The following LINGO1 variants were observed in gnomAD, a reference collection of about 807,000 sequenced individuals.
LINGO1 encodes leucine-rich repeat and immunoglobulin-like domain-containing nogo receptor-interacting protein 1.
In LINGO1, 11 loss-of-function variants were observed where a neutral mutation model predicts 37.3. That is an observed-to-expected ratio of 0.29 (90% CI 0.19 to 0.49). The LOEUF (loss-of-function observed/expected upper bound fraction) is 0.49. Ranked by LOEUF, LINGO1 falls within the 20% of genes least tolerant of loss-of-function variation. The probability of loss-of-function intolerance (pLI) is 0.99; values close to 1 mark genes in which losing one functional copy is unlikely to be tolerated. For synonymous variants in LINGO1, 387 were observed against 403.0 expected (o/e 0.96, Z 0.48); for missense variants, 585 against 878.2 (o/e 0.67, Z 4.22).
At chr15:77,639,261 A>G (rs142368086), upstream of LINGO1, among the ~76,000 whole-genome samples, 4 of 152,272 alleles carry the variant, frequency 2.6e-5, no homozygotes, top group Non-Finnish European at 4.4e-5. Flanking sequence ...GAGGTAATAC[A>G]TATTTGCTGT....
intron 1 of LINGO1, among the ~76,000 whole-genome samples, chr15:77,814,141 C>G (rs565953291): frequency 6.6e-6 from 1 of 152,198 alleles, no homozygotes; most frequent in Non-Finnish European, 1.5e-5. Context: ...ATAATGGAAA[C>G]AGGGCCAAGA....
At chr15:77,746,389 A>G (rs1468857135) in intron 1 of LINGO1, among the ~76,000 whole-genome samples, 1 of 152,148 alleles carries the variant, frequency 6.6e-6, no homozygotes, top group Non-Finnish European at 1.5e-5. Context: ...GAAAGCACTT[A>G]GTCTTCTTTC....
intron 1 of LINGO1, among the ~76,000 whole-genome samples, chr15:77,694,204 T>TAACG: frequency 6.6e-6 from 1 of 152,030 alleles, no homozygotes; most frequent in East Asian, 1.9e-4. Flanking sequence ...GAAGGCAAGG[T>TAACG]AACGTCCAGC....
At chr15:77,724,028 G>A (rs964143635) in intron 2 of LINGO1, among the ~76,000 whole-genome samples, 7 of 152,210 alleles carry the variant, frequency 4.6e-5, no homozygotes, top group Non-Finnish European at 2.9e-5. Flanking sequence ...AAATAGCCGG[G>A]CGTGCGTGTC....
At position 77,665,579 on chromosome 15, in the gene LINGO1, A is replaced by C. The variant is rs562099393; in HGVS notation, c.-13+11510T>G. Among the ~76,000 whole-genome samples the C allele has an allele frequency of 4.3e-4, 66 of 152,352 alleles. 1 individual carries two copies. The South Asian group carries it at 0.013, about 31-fold the overall frequency. On this transcript the variant is annotated intron_variant, in intron 3 of 3. Coordinates refer to the LINGO1 transcript ENST00000559893. ...GTGCCCTTCAGGCCAGCCCAAGCCC[A>C]GGTGGCCCTTTCCTGAACCCAAGGA...
chr15:77,728,735 G>C (rs1287900880), intron 2 of LINGO1, among the ~76,000 whole-genome samples: 1 of 152,250 alleles, frequency 6.6e-6, no homozygotes, highest in Non-Finnish European at 1.5e-5. Flanking sequence ...AGACTGCCGA[G>C]GTTCAAATCC....
intron 1 of LINGO1, among the ~76,000 whole-genome samples, chr15:77,814,405 AAAG>A (rs1438350789): frequency 1.3e-5 from 2 of 151,986 alleles, no homozygotes; most frequent in Non-Finnish European, 2.9e-5. Flanking sequence ...GGACTAAACA[AAAG>A]AAGGAGTATA....
At chr15:77,636,540 T>TG (rs113139128), upstream of LINGO1, among the ~76,000 whole-genome samples, 11,840 of 151,956 alleles carry the variant, frequency 0.078, 1,465 homozygotes, top group African/African-American at 0.26. Flanking sequence ...AGCATCCAGC[T>TG]GGGGGGCCCT....
At chr15:77,810,998 C>T (rs1228447073) in intron 1 of LINGO1, among the ~76,000 whole-genome samples, 2 of 152,120 alleles carry the variant, frequency 1.3e-5, no homozygotes, top group Non-Finnish European at 2.9e-5. Flanking sequence ...AGTTTCACTT[C>T]CGATCTGTTC....
At chr15:77,778,097 C>T (rs2141419584) in intron 1 of LINGO1, among the ~76,000 whole-genome samples, 1 of 152,326 alleles carries the variant, frequency 6.6e-6, no homozygotes, top group South Asian at 2.1e-4. Flanking sequence ...GGGGGACTGG[C>T]TCCTGCCATA....
intron 1 of LINGO1, among the ~76,000 whole-genome samples, chr15:77,625,675 A>G (rs2074066442): frequency 6.6e-6 from 1 of 152,214 alleles, no homozygotes; most frequent in Non-Finnish European, 1.5e-5. Flanking sequence ...CACCTTGCCT[A>G]AAGTCCCGCA....
intron 3 of LINGO1, among the ~76,000 whole-genome samples, chr15:77,673,176 T>C (rs761084329): frequency 6.6e-6 from 1 of 152,032 alleles, no homozygotes; most frequent in Non-Finnish European, 1.5e-5. Flanking sequence ...GAAAACAGTA[T>C]AGGCCAATAT....
intron 2 of LINGO1, among the ~76,000 whole-genome samples, chr15:77,681,208 A>G (rs2075407624): frequency 6.8e-6 from 1 of 146,208 alleles, no homozygotes; most frequent in Non-Finnish European, 1.5e-5. Context: ...TCAAAATGGT[A>G]CATTTGGTTA....
intron 2 of LINGO1, among the ~76,000 whole-genome samples, chr15:77,705,460 G>T (rs1207928050): frequency 6.6e-6 from 1 of 152,140 alleles, no homozygotes; most frequent in Non-Finnish European, 1.5e-5. Context: ...CCTGGTCCAG[G>T]GCTCTTTCTA....
chr15:77,711,200 T>C (rs35028279), intron 2 of LINGO1, among the ~76,000 whole-genome samples: 73,930 of 152,104 alleles, frequency 0.49, 18,232 homozygotes, highest in Admixed American at 0.59. Flanking sequence ...TCCCCAAGAA[T>C]TTCAGCCCCA....
chr15:77,649,209 A>ATATAATGTGTG (rs2074704385), intron 3 of LINGO1: 1 of 152,252 alleles, frequency 6.6e-6, no homozygotes, highest in Non-Finnish European at 1.5e-5. Flanking sequence ...AGCCACACAC[A>ATATAATGTGTG]CGGTCATATA....
chr15:77,791,367 G>A (rs1048883619), upstream of LINGO1, among the ~76,000 whole-genome samples: 10 of 131,776 alleles, frequency 7.6e-5, no homozygotes, highest in Non-Finnish European at 1.3e-4. Context: ...ACGTGGACAC[G>A]CAAAGAGGCC....
intron 3 of LINGO1, among the ~76,000 whole-genome samples, chr15:77,639,560 G>A (rs2074459186): frequency 6.6e-6 from 1 of 152,006 alleles, no homozygotes; most frequent in Non-Finnish European, 1.5e-5. Context: ...CGAAAAACAG[G>A]AAATGGCCTA....
chr15:77,623,063 C>T (rs144385742), intron 1 of LINGO1, among the ~76,000 whole-genome samples: 16 of 152,170 alleles, frequency 1.1e-4, no homozygotes, highest in Non-Finnish European at 1.5e-4. Context: ...TGCCTGCAGA[C>T]GCACCCACAT....
Sources: allele counts gnomAD v4.1 joint callset (sites outside exome capture counted in the v4.1 genomes callset), GRCh38; gene constraint gnomAD v4.1.1; transcripts MANE v1.5; gene names NCBI Gene and HGNC (gene_info 2026-07-23, HGNC 2026-07-21).